The following BEX3 variants were observed in gnomAD, a reference collection of about 807,000 sequenced individuals.
The protein encoded by BEX3 is brain expressed X-linked 3, also known as protein BEX3.
A neutral mutation model predicts 6.1 loss-of-function variants in BEX3; 1 was observed. The ratio of observed to expected loss-of-function variants is 0.16; its 90% confidence interval spans 0.06 to 0.78. BEX3 has a LOEUF of 0.78. BEX3 is among the 30% of genes least tolerant of loss of function. BEX3 has a pLI of 0.75. For missense variants in BEX3, 49 were observed against 84.7 expected (o/e 0.58, Z 1.65); for synonymous variants, 33 against 25.2 (o/e 1.31, Z -0.93).
At chrX:103,377,325 C>T in intron 2 of BEX3, 185 bp from the exon 3 acceptor site, 5 of 530,494 alleles carry the variant, frequency 9.4e-6, no homozygotes, top group Non-Finnish European at 1.5e-5. Flanking sequence ...TTGGAGGCCC[C>T]GTAGAGGACG....
At position 103,377,725 on chromosome X, in the gene BEX3, A is replaced by G. The variant is rs767779812; in HGVS notation, c.204A>G (p.Arg68=). 3.3e-6 allele frequency: 4 copies of G among 1,211,454 alleles called. No individual in the cohort carries two copies. The Admixed American group carries it at 6.5e-5, about 20-fold the overall frequency. ...EIFMEEMREI[R]RKLRELQLRN... ...TCATGGAGGAGATGAGAGAAATCAGAAGAAAACTTAGGGAGCTGCAGTTGA... is the reference window on the plus strand; with the variant it reads ...TCATGGAGGAGATGAGAGAAATCAGGAGAAAACTTAGGGAGCTGCAGTTGA... The change falls in exon 3 of 3, where the codon AGA becomes AGG. Residue 68 remains arginine (R), a synonymous_variant. Transcript: ENST00000361298.
At position 103,377,897 on chromosome X, in the gene BEX3, A is replaced by T; in HGVS notation, c.*70A>T. 1.2e-6 allele frequency: 1 copy of T among 846,164 alleles called. No homozygotes were observed. Among genetic ancestry groups the T allele is most frequent in the Non-Finnish European group, 1.7e-6 (1 of 589,172 alleles). 69.7% of individuals were successfully genotyped at this position (846,164 alleles called of 1,213,427 possible). A position where few individuals can be genotyped will look rare whatever the true frequency, so the allele number is the denominator to read the frequency against. ...TTCTTTTTCCTTGCATTTTCCTAAT[A>T]TGCCTTTACTGATCCGTTTGCTGTG... On this transcript the variant is annotated 3_prime_UTR_variant, in exon 3 of 3. Coordinates refer to ENST00000361298, the MANE Select transcript of BEX3 (RefSeq NM_206917.3).
upstream of BEX3, chrX:103,376,469 C>T: frequency 8.0e-6 from 6 of 752,685 alleles, no homozygotes; most frequent in Non-Finnish European, 9.4e-6. Context: ...GGGGGGCGAG[C>T]TCGGTGGTGA....
chrX:103,377,782 C>A lies in BEX3; in HGVS notation c.261C>A (p.Leu87=), dbSNP rs147893779. The change falls in exon 3 of 3, where the codon CTC becomes CTA. Residue 87 remains leucine (L), a synonymous_variant. Transcript: ENST00000361298. The part of the protein sequence containing the change: ...RNCLRILMGE[L]SNHHDHHDEF... The stretch of plus-strand genomic sequence containing the variant: ...GTCTGCGTATCCTTATGGGGGAGCT[C>A]TCTAATCACCATGACCATCATGATG... The A allele has an allele frequency of 8.3e-7, 1 of 1,209,226 alleles. No individual in the cohort carries two copies. Among genetic ancestry groups the A allele is most frequent in the African/African-American group, 1.7e-5 (1 of 57,713 alleles).
chrX:103,377,866 G>A lies in BEX3; in HGVS notation c.*39G>A. On this transcript the variant is annotated 3_prime_UTR_variant, in exon 3 of 3. Transcript: ENST00000361298. The stretch of plus-strand genomic sequence containing the variant: ...TCATGAGATTAATACTGTGATTCCC[G>A]CTGTTTTCTTTTTCCTTGCATTTTC... 1.9e-6 allele frequency: 2 copies of A among 1,036,383 alleles called. No individual in the cohort carries two copies. Among genetic ancestry groups the A allele is most frequent in the Non-Finnish European group, 2.6e-6 (2 of 758,685 alleles). 85.4% of individuals were successfully genotyped at this position (1,036,383 alleles called of 1,213,427 possible). A position where few individuals can be genotyped will look rare whatever the true frequency, so the allele number is the denominator to read the frequency against.
In BEX3 at chrX:103,378,095, T is replaced by A; in HGVS notation, c.*268T>A. 1 of 306,466 alleles carries A rather than the reference T, an allele frequency of 3.3e-6. No homozygotes were observed. 25.3% of individuals were successfully genotyped at this position (306,466 alleles called of 1,213,427 possible). A position where few individuals can be genotyped will look rare whatever the true frequency, so the allele number is the denominator to read the frequency against. ...GCAATCTATACATTTATTGTCTCATTAAAAATGTATACTTACATATAACAG... is the reference window on the plus strand; with the variant it reads ...GCAATCTATACATTTATTGTCTCATAAAAAATGTATACTTACATATAACAG... On this transcript the variant is annotated 3_prime_UTR_variant, in exon 3 of 3. Coordinates refer to ENST00000361298, the MANE Select transcript of BEX3 (RefSeq NM_206917.3).
intron 2 of BEX3, 144 bp from the exon 3 acceptor site, chrX:103,377,366 A>G (rs1927264001): frequency 1.2e-6 from 1 of 834,799 alleles, no homozygotes; most frequent in Admixed American, 3.3e-5. Flanking sequence ...AAAAAACGAA[A>G]TTAAAAAATC....
chrX:103,376,563 G>T lies in BEX3; in HGVS notation c.-142G>T. 1.3e-6 allele frequency: 1 copy of T among 753,926 alleles called. No individual in the cohort carries two copies. The highest frequency in any genetic ancestry group is 1.6e-6 in the Non-Finnish European group (1 of 639,083). The allele number at this position is 753,926 out of a possible 1,213,427, so 62.1% of individuals were successfully genotyped here. A position where few individuals can be genotyped will look rare whatever the true frequency, so the allele number is the denominator to read the frequency against. Reference sequence around the variant, plus strand: ...ACTCGCGTCTGGCTACCAGCTCCCCGCTGCCCTGAGCTCGGCGGGCTGGCA... The same window carrying T: ...ACTCGCGTCTGGCTACCAGCTCCCCTCTGCCCTGAGCTCGGCGGGCTGGCA... On this transcript the variant is annotated 5_prime_UTR_variant, in exon 1 of 3. Transcript: ENST00000361298.
At chrX:103,376,796 C>A (rs935009332) in intron 1 of BEX3, 183 bp downstream of exon 1, 26 of 119,359 alleles carry the variant, frequency 2.2e-4, no homozygotes, top group Non-Finnish European at 1.4e-4. Flanking sequence ...GCGGCAGAGC[C>A]ACCAAGAGCG....
chrX:103,377,830 C>T lies in BEX3; in HGVS notation c.*3C>T. The T allele has an allele frequency of 8.7e-7, 1 of 1,148,038 alleles. No homozygotes were observed. Among genetic ancestry groups the T allele is most frequent in the East Asian group, 3.0e-5 (1 of 33,513 alleles). The allele number at this position is 1,148,038 out of a possible 1,213,427, so 94.6% of individuals were successfully genotyped here. A position where few individuals can be genotyped will look rare whatever the true frequency, so the allele number is the denominator to read the frequency against. ...ATGAATTTTGCCTTATGCCTTGACT[C>T]CTGCCATTTATCATGAGATTAATAC... On this transcript the variant is annotated 3_prime_UTR_variant, in exon 3 of 3. Coordinates refer to ENST00000361298, the MANE Select transcript of BEX3 (RefSeq NM_206917.3).
intron 2 of BEX3, 46 bp from the exon 3 acceptor site, chrX:103,377,464 A>G: frequency 8.5e-7 from 1 of 1,182,859 alleles, no homozygotes; most frequent in Admixed American, 2.4e-5. Context: ...TGTTCAAAGA[A>G]AAACAACCAG....
chrX:103,377,993 C>T lies in BEX3; in HGVS notation c.*166C>T, dbSNP rs1207212160. 2 of 428,211 alleles carry T rather than the reference C, an allele frequency of 4.7e-6. No individual in the cohort carries two copies. The highest frequency in any genetic ancestry group is 5.0e-5 in the African/African-American group (2 of 40,185). 35.3% of individuals were successfully genotyped at this position (428,211 alleles called of 1,213,427 possible). On this transcript the variant is annotated 3_prime_UTR_variant, in exon 3 of 3. Transcript: ENST00000361298. ...CTTCTATTTGAAGATTGCCTTTGCACTCAGTGTAAGTTTCTGTCAGCAGTA... is the reference window on the plus strand; with the variant it reads ...CTTCTATTTGAAGATTGCCTTTGCATTCAGTGTAAGTTTCTGTCAGCAGTA...
rs372719513 is a variant in BEX3, at chrX:103,377,480, A to T, written c.-12-30A>T. On this transcript the variant is annotated intron_variant, in intron 2 of 2. Transcript: ENST00000361298. ...GTTCAAAGAAAAACAACCAGAAAAA[A>T]AAAATCTCATCATGGCAAATATTCA... 82 of 1,184,897 alleles carry T rather than the reference A, an allele frequency of 6.9e-5. No individual in the cohort carries two copies. The African/African-American group carries it at 1.3e-3, about 18-fold the overall frequency.
upstream of BEX3, chrX:103,376,403 A>G: frequency 2.8e-6 from 2 of 718,966 alleles, no homozygotes; most frequent in Non-Finnish European, 3.3e-6. Context: ...GCGCGTGCAT[A>G]TGGCGGTGGC....
At chrX:103,376,947 G>A in intron 1 of BEX3, 81 bp from the exon 2 acceptor site, 1 of 126,985 alleles carries the variant, frequency 7.9e-6, no homozygotes, top group Non-Finnish European at 1.5e-5. Flanking sequence ...CACGGAAAGG[G>A]CCGGGCGGCG....
In BEX3 at chrX:103,378,077, A is replaced by G. The variant is rs772299949; in HGVS notation, c.*250A>G. 5 of 338,709 alleles carry G rather than the reference A, an allele frequency of 1.5e-5. No homozygotes were observed. The highest frequency in any genetic ancestry group is 2.1e-5 in the Non-Finnish European group (4 of 190,779). 27.9% of individuals were successfully genotyped at this position (338,709 alleles called of 1,213,427 possible). The stretch of plus-strand genomic sequence containing the variant: ...AATAAAGCAATTTAAAAAGCAATCT[A>G]TACATTTATTGTCTCATTAAAAATG... On this transcript the variant is annotated 3_prime_UTR_variant, in exon 3 of 3. Transcript: ENST00000361298.
At chrX:103,376,534 C>G (rs1195638445), upstream of BEX3, 27 of 750,951 alleles carry the variant, frequency 3.6e-5, no homozygotes, top group Non-Finnish European at 4.1e-5. Flanking sequence ...TCGGTGCAGT[C>G]GTCACTCGCG....
At chrX:103,376,489 C>T (rs1337822512), upstream of BEX3, 2 of 750,710 alleles carry the variant, frequency 2.7e-6, no homozygotes, top group East Asian at 3.1e-4. Context: ...ACGCGCGGCC[C>T]TCACGTGACC....
At chrX:103,376,496 G>C (rs1032075573), upstream of BEX3, 41 of 750,939 alleles carry the variant, frequency 5.5e-5, no homozygotes, top group Non-Finnish European at 6.3e-5. Context: ...GCCCTCACGT[G>C]ACCCAGAGCT....
Sources: allele counts gnomAD v4.1 joint callset, GRCh38; gene constraint gnomAD v4.1.1; transcripts MANE v1.5; gene names NCBI Gene and HGNC (gene_info 2026-07-23, HGNC 2026-07-21).